The following SP4 variants were observed in gnomAD, a reference collection of about 807,000 sequenced individuals.
The protein encoded by SP4 is transcription factor Sp4.
Under a neutral mutation model 72.8 loss-of-function variants are expected in SP4, and 19 were observed. That is an observed-to-expected ratio of 0.26 (90% CI 0.18 to 0.38). The LOEUF (loss-of-function observed/expected upper bound fraction) is 0.38, where lower values mean the gene tolerates loss of function less well. Ranked by LOEUF, SP4 falls within the 10% of genes least tolerant of loss-of-function variation. The pLI, the probability that SP4 is intolerant of heterozygous loss-of-function variation, is 1.00. For synonymous variants in SP4, 395 were observed against 333.1 expected, an observed-to-expected ratio of 1.19 and a Z score of -2.02; for missense variants, 1,008 against 926.3, an observed-to-expected ratio of 1.09 and a Z score of -1.14.
intron 2 of SP4, 120 bp downstream of exon 2, chr7:21,428,912 A>C: frequency 1.2e-6 from 1 of 802,488 alleles, no homozygotes. Flanking sequence ...CATCTTTCTG[A>C]GAGTGTGGAA....
chr7:21,443,601 G>C (rs1026579428), intron 3 of SP4, among the ~76,000 whole-genome samples: 1 of 152,172 alleles, frequency 6.6e-6, no homozygotes, highest in African/African-American at 2.4e-5. Context: ...AAGCGGAGCT[G>C]CTTTTGCACA....
chr7:21,454,435 A>G (rs1420564541), intron 3 of SP4, among the ~76,000 whole-genome samples: 1 of 150,238 alleles, frequency 6.7e-6, no homozygotes, highest in Non-Finnish European at 1.5e-5. Flanking sequence ...CCCTCTTTTT[A>G]TACAACCATT....
Position 21,511,361 on chromosome 7 carries a change from G to A in SP4, c.*92G>A, listed in dbSNP as rs2128418125. On this transcript the variant is annotated 3_prime_UTR_variant, in exon 6 of 6. Transcript: ENST00000222584. ...GGCTGGTCAAGTGGATTACAGAGTA[G>A]GAAATTATGTTTTCATTCTTGGCTT... is the stretch of plus-strand genomic sequence containing the variant. 1.6e-6 allele frequency: 2 copies of A among 1,270,872 alleles called. No individual in the cohort carries two copies. Among genetic ancestry groups the A allele is most frequent in the Non-Finnish European group, 2.2e-6 (2 of 919,468 alleles). 78.7% of individuals were successfully genotyped at this position (1,270,872 alleles called of 1,614,324 possible). A position where few individuals can be genotyped will look rare whatever the true frequency, so the allele number is the denominator to read the frequency against.
intron 4 of SP4, among the ~76,000 whole-genome samples, chr7:21,479,555 C>T (rs1010920810): frequency 1.3e-4 from 20 of 152,140 alleles, no homozygotes; most frequent in Non-Finnish European, 2.9e-5. Context: ...CTTTTGAAAT[C>T]GAGAAATGTG....
chr7:21,486,396 AC>A (rs1352369831), intron 5 of SP4, among the ~76,000 whole-genome samples: 1 of 152,014 alleles, frequency 6.6e-6, no homozygotes, highest in Non-Finnish European at 1.5e-5. Flanking sequence ...CCACCAATAT[AC>A]CTTTTCTTTT....
intron 5 of SP4, among the ~76,000 whole-genome samples, chr7:21,488,248 C>T (rs1198938240): frequency 1.3e-5 from 2 of 152,160 alleles, no homozygotes; most frequent in Non-Finnish European, 2.9e-5. Context: ...CAATAATATG[C>T]TGTGCAACCA....
intron 1 of SP4, 49 bp from the exon 2 acceptor site, chr7:21,428,628 A>G (rs1782712270): frequency 6.8e-7 from 1 of 1,469,784 alleles, no homozygotes; most frequent in Non-Finnish European, 9.2e-7. Context: ...AATAATAATA[A>G]TCCTAATAAC....
intron 3 of SP4, among the ~76,000 whole-genome samples, chr7:21,433,471 A>T (rs538266490): frequency 6.6e-6 from 1 of 152,220 alleles, no homozygotes; most frequent in South Asian, 2.1e-4. Flanking sequence ...TAGTTTGCAG[A>T]TTTTACCCCA....
intron 3 of SP4, among the ~76,000 whole-genome samples, chr7:21,440,999 G>A (rs1028596043): frequency 6.6e-6 from 1 of 152,204 alleles, no homozygotes; most frequent in Non-Finnish European, 1.5e-5. Context: ...AATGATGCTT[G>A]TGTTCAGGAG....
At position 21,447,459 on chromosome 7, in the gene SP4, G is replaced by T. The variant is rs75224552; in HGVS notation, c.1678+16616G>T. Among the ~76,000 whole-genome samples the T allele has an allele frequency of 9.5e-3, 1,444 of 152,204 alleles. 29 individuals carry two copies. Among genetic ancestry groups the T allele is most frequent in the African/African-American group, 0.033 (1,391 of 41,540 alleles). ...AGAAATTTAGTAGAAGAGTTAGATG[G>T]ATCTTTGTATTTCAGTTTCAAAGGA... On this transcript the variant is annotated intron_variant, in intron 3 of 5. Coordinates refer to ENST00000222584, the MANE Select transcript of SP4 (RefSeq NM_003112.5).
At chr7:21,480,300 A>G (rs1784648325) in intron 4 of SP4, among the ~76,000 whole-genome samples, 1 of 152,160 alleles carries the variant, frequency 6.6e-6, no homozygotes, top group South Asian at 2.1e-4. Flanking sequence ...TTCCCTCCAA[A>G]CTGGTATTAA....
chr7:21,481,969 T>C lies in SP4; in HGVS notation c.1953T>C (p.Ile651=), dbSNP rs773108327. ...PGKKKQHICH[I]EGCGKVYGKT... ...AAAAGAAGCAGCATATCTGTCATAT[T>C]GAAGGATGTGGTAAAGTTTATGGCA... The change falls in exon 5 of 6, where the codon ATT becomes ATC. Residue 651 remains isoleucine, a synonymous_variant. Transcript: ENST00000222584. 1 of 1,614,094 alleles carries C rather than the reference T, an allele frequency of 6.2e-7. No individual in the cohort carries two copies. Among genetic ancestry groups the C allele is most frequent in the African/African-American group, 1.3e-5 (1 of 75,066 alleles).
chr7:21,438,368 G>A (rs1245590708), intron 3 of SP4, among the ~76,000 whole-genome samples: 1 of 152,128 alleles, frequency 6.6e-6, no homozygotes, highest in African/African-American at 2.4e-5. Context: ...AGGGATTTTT[G>A]TGAGGGAGAT....
intron 3 of SP4, among the ~76,000 whole-genome samples, chr7:21,463,011 T>A (rs538927803): frequency 4.5e-4 from 68 of 152,130 alleles, no homozygotes; most frequent in African/African-American, 1.6e-3. Flanking sequence ...TAACTACATT[T>A]AAAGTGCTAA....
At chr7:21,471,361 A>C (rs1014838364) in intron 3 of SP4, among the ~76,000 whole-genome samples, 1 of 152,214 alleles carries the variant, frequency 6.6e-6, no homozygotes, top group African/African-American at 2.4e-5. Flanking sequence ...GACATTTGAG[A>C]TATTTTGAAG....
rs1032313607 is a variant in SP4 at position 21,502,051 on chromosome 7, C to G, written c.2108-8971C>G. Among the ~76,000 whole-genome samples the G allele has an allele frequency of 1.5e-4, 12 of 81,952 alleles. No individual in the cohort carries two copies. The South Asian group carries it at 2.7e-3, about 18-fold the overall frequency. The allele number at this position is 81,952 out of a possible 152,430, so 53.8% of individuals were successfully genotyped here. ...TAAATTCATTAGGCACCCCCCCCCC[C>G]CCGGAACTCCTATAGAGTTAACATA... On this transcript the variant is annotated intron_variant, in intron 5 of 5. Transcript: ENST00000222584.
intron 3 of SP4, among the ~76,000 whole-genome samples, chr7:21,460,200 G>A (rs898307281): frequency 6.6e-6 from 1 of 152,160 alleles, no homozygotes. Context: ...ATGAAGCCAC[G>A]GACCCTTGCG....
At chr7:21,446,907 G>A (rs1346946018) in intron 3 of SP4, among the ~76,000 whole-genome samples, 1 of 150,558 alleles carries the variant, frequency 6.6e-6, no homozygotes, top group East Asian at 2.0e-4. Context: ...TGACTCTAAC[G>A]CTATTCTCCA....
At chr7:21,465,998 C>T (rs1784156771) in intron 3 of SP4, among the ~76,000 whole-genome samples, 1 of 152,212 alleles carries the variant, frequency 6.6e-6, no homozygotes, top group African/African-American at 2.4e-5. Context: ...AGCCTTCCCA[C>T]TGCCTTCCCA....
Sources: allele counts gnomAD v4.1 joint callset (sites outside exome capture counted in the v4.1 genomes callset), GRCh38; gene constraint gnomAD v4.1.1; transcripts MANE v1.5; gene names NCBI Gene and HGNC (gene_info 2026-07-23, HGNC 2026-07-21).